Variants in ACVR1 observed in about 807,000 individuals in gnomAD.
ACVR1 encodes the protein activin A receptor type 1, also known as activin receptor type-1.
Under a neutral mutation model 57.1 loss-of-function variants are expected in ACVR1, and 38 were observed. The ratio of observed to expected loss-of-function variants is 0.67; its 90% CI spans 0.51 to 0.87. The LOEUF (loss-of-function observed/expected upper bound fraction) is 0.87. Among genes scored for constraint, ACVR1 ranks in the 40% least tolerant of loss-of-function variants. ACVR1 has a pLI of 0.00. For missense variants in ACVR1, 463 were observed against 638.2 expected, an observed-to-expected ratio of 0.73 and a Z score of 2.96; for synonymous variants, 212 against 228.1, an observed-to-expected ratio of 0.93 and a Z score of 0.63.
At chr2:157,825,678 T>G (rs1360476278) in intron 1 of ACVR1, among the ~76,000 whole-genome samples, 1 of 152,070 alleles carries the variant, frequency 6.6e-6, no homozygotes, top group Non-Finnish European at 1.5e-5. Flanking sequence ...CCATACCTCT[T>G]CCTCCCCACT....
At chr2:157,790,283 C>T (rs896254078) in intron 3 of ACVR1, 11 of 152,196 alleles carry the variant, frequency 7.2e-5, no homozygotes, top group Admixed American at 5.9e-4. Flanking sequence ...GGTTCCGTTT[C>T]GAACTCTGGG....
intron 6 of ACVR1, among the ~76,000 whole-genome samples, chr2:157,773,846 A>G (rs1358521023): frequency 6.6e-6 from 1 of 152,182 alleles, no homozygotes; most frequent in East Asian, 1.9e-4. Flanking sequence ...CAAAGGGTCC[A>G]CTTACAACTG....
At chr2:157,826,893 G>A (rs1001835154) in intron 1 of ACVR1, among the ~76,000 whole-genome samples, 1 of 130,796 alleles carries the variant, frequency 7.6e-6, no homozygotes, top group Non-Finnish European at 1.5e-5. Flanking sequence ...AAGGAAAGGA[G>A]GAAGGTAGGA....
At position 157,829,870 on chromosome 2, in the gene ACVR1, T is replaced by C. The variant is rs13397883; in HGVS notation, c.-182-11311A>G. Among the ~76,000 whole-genome samples the C allele has an allele frequency of 7.9e-3, 1,205 of 152,322 alleles. 15 individuals are homozygous for C. The highest frequency in any genetic ancestry group is 0.027 in the African/African-American group (1,127 of 41,562). On this transcript the variant is annotated intron_variant, in intron 1 of 10. Transcript: ENST00000434821. ...ATTTCCCTGGTGAGTCTGTGGACTC[T>C]TCAAAGTAAGAGTATTTTTCACCTA...
intron 4 of ACVR1, 83 bp from the exon 5 acceptor site, chr2:157,778,425 G>A: frequency 8.5e-7 from 1 of 1,172,140 alleles, no homozygotes. Context: ...CTAACAAGTA[G>A]CTCCTGATCC....
chr2:157,825,092 C>A (rs1320858270), intron 1 of ACVR1, among the ~76,000 whole-genome samples: 1 of 152,144 alleles, frequency 6.6e-6, no homozygotes, highest in African/African-American at 2.4e-5. Flanking sequence ...TCTCCCTTTT[C>A]TATCCTTATT....
intron 3 of ACVR1, among the ~76,000 whole-genome samples, chr2:157,797,953 A>G (rs1298591666): frequency 2.6e-5 from 4 of 152,218 alleles, no homozygotes; most frequent in African/African-American, 9.6e-5. Context: ...GGTGCCGTCT[A>G]TGAGGAACGA....
intron 1 of ACVR1, among the ~76,000 whole-genome samples, chr2:157,864,553 T>A (rs1485844538): frequency 6.6e-6 from 1 of 152,194 alleles, no homozygotes; most frequent in Non-Finnish European, 1.5e-5. Context: ...TAAATTTTGT[T>A]TACTTGGGTT....
intron 2 of ACVR1, among the ~76,000 whole-genome samples, chr2:157,806,543 C>T (rs1421463462): frequency 2.0e-5 from 3 of 152,162 alleles, no homozygotes; most frequent in East Asian, 1.9e-4. Flanking sequence ...TCAACCACCA[C>T]GAAGAGGGGC....
Position 157,846,216 on chromosome 2 carries a change from G to T in ACVR1, c.-182-27657C>A, listed in dbSNP as rs1380362096. 3.3e-5 allele frequency among the ~76,000 whole-genome samples: 5 copies of T among 152,230 alleles called. No individual in the cohort carries two copies. In the East Asian group the frequency reaches 9.6e-4, roughly 29 times the overall value. On this transcript the variant is annotated intron_variant, in intron 1 of 10. Transcript: ENST00000434821. ...GAGACGATGGAAACAGAGATGGAAA[G>T]AATGTGCTTTGAAGATGGAGGAAGA...
At chr2:157,840,130 C>T (rs1229810612) in intron 1 of ACVR1, among the ~76,000 whole-genome samples, 2 of 152,144 alleles carry the variant, frequency 1.3e-5, no homozygotes, top group Non-Finnish European at 2.9e-5. Context: ...ATGCCATAGC[C>T]ATTTTGCTAC....
intron 1 of ACVR1, among the ~76,000 whole-genome samples, chr2:157,832,014 G>A (rs1395742067): frequency 1.3e-5 from 2 of 152,154 alleles, no homozygotes; most frequent in Non-Finnish European, 2.9e-5. Context: ...TAGACCTCGA[G>A]TACATGCTGG....
rs574801943 is a variant in ACVR1 at position 157,750,575 on chromosome 2, C to G, written c.1264+10305G>C. Among the ~76,000 whole-genome samples the G allele has an allele frequency of 1.3e-4, 20 of 152,080 alleles. No individual in the cohort carries two copies. The South Asian group carries it at 2.9e-3, about 22-fold the overall frequency. ...CCAGAATCAAAACCAAAGCGCCCTACCAACCCAATATAGGAGACAGTCTTT... is the reference window on the plus strand; with the variant it reads ...CCAGAATCAAAACCAAAGCGCCCTAGCAACCCAATATAGGAGACAGTCTTT... On this transcript the variant is annotated intron_variant, in intron 9 of 10. Coordinates refer to ENST00000434821, the MANE Select transcript of ACVR1 (RefSeq NM_001111067.4).
intron 1 of ACVR1, among the ~76,000 whole-genome samples, chr2:157,854,027 A>G (rs1689417914): frequency 6.6e-6 from 1 of 152,156 alleles, no homozygotes; most frequent in African/African-American, 2.4e-5. Context: ...GCTGTACTGT[A>G]ATCACTGATT....
At chr2:157,832,905 T>C (rs1688638110) in intron 1 of ACVR1, among the ~76,000 whole-genome samples, 1 of 152,178 alleles carries the variant, frequency 6.6e-6, no homozygotes, top group Non-Finnish European at 1.5e-5. Context: ...CGACAATTAA[T>C]ACAATCTATA....
intron 3 of ACVR1, among the ~76,000 whole-genome samples, chr2:157,797,510 T>C (rs1002404824): frequency 4.7e-4 from 72 of 152,328 alleles, no homozygotes; most frequent in African/African-American, 1.6e-3. Flanking sequence ...CAATGTGCAA[T>C]AGAGTAGAGT....
intron 7 of ACVR1, among the ~76,000 whole-genome samples, chr2:157,769,240 G>A (rs1191485747): frequency 6.6e-6 from 1 of 152,166 alleles, no homozygotes; most frequent in Non-Finnish European, 1.5e-5. Flanking sequence ...ATTCCTGGGA[G>A]CCCCAAACCA....
intron 1 of ACVR1, among the ~76,000 whole-genome samples, chr2:157,873,195 T>C (rs1187411012): frequency 1.3e-5 from 2 of 152,218 alleles, no homozygotes; most frequent in African/African-American, 4.8e-5. Flanking sequence ...TGACAATCAC[T>C]GGCAAAAGTG....
intron 1 of ACVR1, among the ~76,000 whole-genome samples, chr2:157,825,933 T>C (rs1461924419): frequency 6.6e-6 from 1 of 152,196 alleles, no homozygotes; most frequent in Non-Finnish European, 1.5e-5. Context: ...AGATCGCCTT[T>C]CTGTCTGTTT....
Sources: allele counts gnomAD v4.1 joint callset (sites outside exome capture counted in the v4.1 genomes callset), GRCh38; gene constraint gnomAD v4.1.1; transcripts MANE v1.5; gene names NCBI Gene and HGNC (gene_info 2026-07-23, HGNC 2026-07-21).